KDM4B: variants seen among roughly 807,000 people sequenced by gnomAD.
KDM4B encodes lysine demethylase 4B.
KDM4B carries 32 observed loss-of-function variants against 125.2 expected under a neutral mutation model. The ratio of observed to expected loss-of-function variants is 0.26; its 90% CI spans 0.19 to 0.34. The LOEUF is 0.34. Ranked by LOEUF, KDM4B falls within the 10% of genes least tolerant of loss-of-function variation. KDM4B has a pLI of 1.00. For missense variants in KDM4B, 1,190 were observed against 1,577.7 expected, an observed-to-expected ratio of 0.75 and a Z score of 4.16; for synonymous variants, 721 against 677.9, an observed-to-expected ratio of 1.06 and a Z score of -0.99.
At chr19:5,124,894 C>T (rs1487091411) in intron 11 of KDM4B, among the ~76,000 whole-genome samples, 2 of 152,060 alleles carry the variant, frequency 1.3e-5, no homozygotes, top group Non-Finnish European at 2.9e-5. Context: ...CTATGCCCAG[C>T]CTTCTTTTCT....
intron 6 of KDM4B, among the ~76,000 whole-genome samples, chr19:5,057,583 G>A (rs761604544): frequency 2.3e-4 from 35 of 152,196 alleles, no homozygotes; most frequent in Non-Finnish European, 3.8e-4. Context: ...ATGATGTTCC[G>A]TTCCTCATGC....
intron 18 of KDM4B, among the ~76,000 whole-genome samples, chr19:5,138,657 A>G (rs1313700608): frequency 1.3e-5 from 2 of 152,120 alleles, no homozygotes; most frequent in Admixed American, 6.5e-5. Flanking sequence ...CACTGTCTCA[A>G]AAAAAAACAA....
chr19:5,015,204 C>A (rs1020645834), intron 1 of KDM4B, among the ~76,000 whole-genome samples: 1 of 152,124 alleles, frequency 6.6e-6, no homozygotes, highest in South Asian at 2.1e-4. Context: ...ACCCACCGAG[C>A]CCCAGGTGTG....
intron 9 of KDM4B, among the ~76,000 whole-genome samples, chr19:5,086,863 C>A (rs2038517792): frequency 6.6e-6 from 1 of 152,246 alleles, no homozygotes; most frequent in African/African-American, 2.4e-5. Flanking sequence ...GCAGGAGGCC[C>A]AGCCCTCAGC....
At chr19:5,018,337 C>T (rs2035957469) in intron 2 of KDM4B, among the ~76,000 whole-genome samples, 1 of 152,210 alleles carries the variant, frequency 6.6e-6, no homozygotes, top group Middle Eastern at 3.2e-3. Context: ...CGAAGTTCAC[C>T]ACATAGCCCT....
intron 7 of KDM4B, among the ~76,000 whole-genome samples, chr19:5,071,817 A>G (rs940588427): frequency 6.6e-6 from 1 of 152,198 alleles, no homozygotes; most frequent in Non-Finnish European, 1.5e-5. Flanking sequence ...TGCAAGTTTC[A>G]TGACACCTCA....
At chr19:5,084,736 C>G (rs2038433208) in intron 9 of KDM4B, among the ~76,000 whole-genome samples, 1 of 150,646 alleles carries the variant, frequency 6.6e-6, no homozygotes, top group South Asian at 2.1e-4. Flanking sequence ...ATCTCTTGAG[C>G]CCAGGAGGTC....
At chr19:5,065,995 C>T (rs1004444375) in intron 6 of KDM4B, among the ~76,000 whole-genome samples, 1 of 152,240 alleles carries the variant, frequency 6.6e-6, no homozygotes, top group African/African-American at 2.4e-5. Context: ...GAAACAGGGA[C>T]ATGCGGCTCG....
At chr19:5,015,867 G>T (rs2035877897) in intron 1 of KDM4B, among the ~76,000 whole-genome samples, 1 of 152,190 alleles carries the variant, frequency 6.6e-6, no homozygotes, top group Non-Finnish European at 1.5e-5. Context: ...CTGCCTCTTG[G>T]TGTTGGGAGG....
chr19:5,122,236 C>G (rs1392854967), intron 11 of KDM4B, among the ~76,000 whole-genome samples: 1 of 152,208 alleles, frequency 6.6e-6, no homozygotes, highest in African/African-American at 2.4e-5. Context: ...CCCCTTCCTC[C>G]TCCTTCACAG....
intron 9 of KDM4B, among the ~76,000 whole-genome samples, chr19:5,093,397 G>A (rs2038751157): frequency 6.6e-6 from 1 of 152,222 alleles, no homozygotes; most frequent in Non-Finnish European, 1.5e-5. Context: ...GAGGGGCAGG[G>A]AGCCGCTTTC....
At chr19:5,095,705 T>G (rs2038807244) in intron 9 of KDM4B, among the ~76,000 whole-genome samples, 1 of 152,206 alleles carries the variant, frequency 6.6e-6, no homozygotes, top group Non-Finnish European at 1.5e-5. Flanking sequence ...CCCCTCAACC[T>G]GGATCAGATC....
intron 9 of KDM4B, among the ~76,000 whole-genome samples, chr19:5,088,120 C>T (rs2038565604): frequency 6.6e-6 from 1 of 152,192 alleles, no homozygotes. Flanking sequence ...CAGGAGGGAG[C>T]CTGTTTCCTC....
At position 5,050,342 on chromosome 19, in the gene KDM4B, G is replaced by C. The variant is rs531587358; in HGVS notation, c.626+2673G>C. 5.3e-5 allele frequency among the ~76,000 whole-genome samples: 8 copies of C among 152,364 alleles called. No individual in the cohort carries two copies. The South Asian group carries it at 1.7e-3, about 32-fold the overall frequency. On this transcript the variant is annotated intron_variant, in intron 6 of 22. Transcript: ENST00000159111. ...CAGCGGGGCTAAGAATATCTGAAGA[G>C]ACTGAGCGCCTCAAAATCTCTTTGG...
intron 9 of KDM4B, among the ~76,000 whole-genome samples, chr19:5,102,691 A>G (rs759226757): frequency 5.3e-5 from 8 of 152,212 alleles, no homozygotes; most frequent in Admixed American, 3.3e-4. Flanking sequence ...TTCACCGGCA[A>G]TGGGCGGCGG....
intron 6 of KDM4B, among the ~76,000 whole-genome samples, chr19:5,049,005 G>A (rs896977462): frequency 6.6e-5 from 10 of 152,198 alleles, no homozygotes; most frequent in Non-Finnish European, 2.9e-5. Context: ...TCCTGTGAGG[G>A]GCCCCGGGGG....
chr19:5,101,053 A>G (rs1422063815), intron 9 of KDM4B, among the ~76,000 whole-genome samples: 7 of 151,700 alleles, frequency 4.6e-5, no homozygotes, highest in Admixed American at 4.6e-4. Context: ...AAACCCTGTC[A>G]CTACTAAAAA....
At chr19:5,048,447 C>T (rs544828283) in intron 6 of KDM4B, among the ~76,000 whole-genome samples, 5 of 152,324 alleles carry the variant, frequency 3.3e-5, no homozygotes, top group Admixed American at 1.3e-4. Flanking sequence ...CTCCAAGGGC[C>T]GCTAGGTGGC....
chr19:5,113,993 T>C, intron 10 of KDM4B: 1 of 1,254,706 alleles, frequency 8.0e-7, no homozygotes, highest in Non-Finnish European at 1.0e-6. Context: ...CTAAATCTCG[T>C]TGAGCGAGCG....
Sources: gnomAD v4.1 joint callset for allele counts (sites outside exome capture counted in the v4.1 genomes callset) on GRCh38, gnomAD v4.1.1 for gene constraint, MANE v1.5 for transcripts, NCBI Gene and HGNC (gene_info 2026-07-23, HGNC 2026-07-21) for gene names.